Variants in CFAP54 observed in about 807,000 individuals in gnomAD.
The protein encoded by CFAP54 is cilia and flagella associated protein 54, also known as cilia- and flagella-associated protein 54.
A neutral mutation model predicts 370.4 loss-of-function variants in CFAP54; 290 were observed. That is an observed-to-expected ratio of 0.78 (90% confidence interval 0.71 to 0.86). CFAP54 has a LOEUF of 0.86. Ranked by LOEUF, CFAP54 falls within the 40% of genes least tolerant of loss-of-function variation. CFAP54 has a pLI of 0.00. For missense variants in CFAP54, 3,399 were observed against 3,528.7 expected, an observed-to-expected ratio of 0.96 and a Z score of 0.93; for synonymous variants, 1,206 against 1,236.5, an observed-to-expected ratio of 0.98 and a Z score of 0.52.
intron 6 of CFAP54, among the ~76,000 whole-genome samples, chr12:96,521,194 A>G (rs985082432): frequency 6.6e-6 from 1 of 152,226 alleles, no homozygotes; most frequent in African/African-American, 2.4e-5. Flanking sequence ...ATTATAAATG[A>G]TGAATGAAAT....
At chr12:96,583,827 A>G (rs138484997) in intron 22 of CFAP54, among the ~76,000 whole-genome samples, 1 of 152,304 alleles carries the variant, frequency 6.6e-6, no homozygotes, top group Non-Finnish European at 1.5e-5. Context: ...TAGAGCCTGC[A>G]TCTCTCCAAT....
chr12:96,706,951 C>T (rs7960445), intron 47 of CFAP54, among the ~76,000 whole-genome samples: 59,532 of 151,716 alleles, frequency 0.39, 11,961 homozygotes, highest in Middle Eastern at 0.46. Context: ...GGAGCTACAG[C>T]GAAAAAGTTG....
rs534334157 is a variant in CFAP54 at position 96,519,290 on chromosome 12, G to T, written c.942+219G>T. Among the ~76,000 whole-genome samples, 4 of 152,180 alleles carry T rather than the reference G, an allele frequency of 2.6e-5. No individual in the cohort carries two copies. The East Asian group carries it at 7.7e-4, about 29-fold the overall frequency. ...ATTTTTGTATTTTTAGTAGAGACAG[G>T]GTTTTGCCATGTTGATCAGGCTGAT... On this transcript the variant is annotated intron_variant, in intron 6 of 67. Coordinates refer to ENST00000524981, the MANE Select transcript of CFAP54 (RefSeq NM_001306084.2).
chr12:96,832,867 T>C (rs920518541), intron 66 of CFAP54, among the ~76,000 whole-genome samples: 13 of 152,154 alleles, frequency 8.5e-5, no homozygotes, highest in African/African-American at 3.1e-4. Context: ...CCAGCTAACT[T>C]CCACTGAAAA....
At chr12:96,850,232 A>G (rs1253432614) in intron 66 of CFAP54, among the ~76,000 whole-genome samples, 1 of 151,602 alleles carries the variant, frequency 6.6e-6, no homozygotes, top group Admixed American at 6.6e-5. Context: ...AAAAAAAAAA[A>G]AAAAAAGTAG....
chr12:96,632,538 CTT>C (rs1193037647), intron 32 of CFAP54, among the ~76,000 whole-genome samples: 2 of 151,918 alleles, frequency 1.3e-5, no homozygotes, highest in African/African-American at 2.4e-5. Flanking sequence ...AACTTTATCA[CTT>C]AACAAGTTTT....
chr12:96,593,329 T>G (rs986366211), intron 24 of CFAP54, among the ~76,000 whole-genome samples: 2 of 152,158 alleles, frequency 1.3e-5, no homozygotes, highest in Non-Finnish European at 2.9e-5. Flanking sequence ...GTATGGATGT[T>G]TTAGCTGTCT....
At chr12:96,769,576 C>T (rs573481649) in intron 60 of CFAP54, among the ~76,000 whole-genome samples, 6 of 152,128 alleles carry the variant, frequency 3.9e-5, no homozygotes, top group Middle Eastern at 6.8e-3. Context: ...CACACAGCTG[C>T]GCAGCCAGCT....
At chr12:96,652,939 A>C (rs1390657289) in intron 36 of CFAP54, among the ~76,000 whole-genome samples, 1 of 152,264 alleles carries the variant, frequency 6.6e-6, no homozygotes, top group East Asian at 1.9e-4. Flanking sequence ...TCAGGAAGAC[A>C]TGTCAATCAT....
intron 55 of CFAP54, among the ~76,000 whole-genome samples, chr12:96,750,043 A>G (rs1469455297): frequency 6.6e-6 from 1 of 152,244 alleles, no homozygotes; most frequent in Non-Finnish European, 1.5e-5. Flanking sequence ...TCAGGAGTGA[A>G]GAGGACTCAG....
intron 57 of CFAP54, among the ~76,000 whole-genome samples, chr12:96,756,952 G>C (rs887033415): frequency 1.3e-5 from 2 of 152,118 alleles, no homozygotes; most frequent in African/African-American, 4.8e-5. Context: ...TCTTAATTCT[G>C]TATGAATATC....
intron 19 of CFAP54, among the ~76,000 whole-genome samples, chr12:96,570,360 C>T (rs763778269): frequency 5.1e-4 from 77 of 151,582 alleles, no homozygotes; most frequent in Non-Finnish European, 7.1e-4. Context: ...TAATTCTGAC[C>T]CCTCCTCTTA....
At chr12:96,766,950 T>C (rs1958407373) in intron 60 of CFAP54, among the ~76,000 whole-genome samples, 1 of 152,226 alleles carries the variant, frequency 6.6e-6, no homozygotes, top group Non-Finnish European at 1.5e-5. Context: ...TGCATTCTTA[T>C]GTACATTTGT....
At chr12:96,591,501 G>A (rs993885354) in intron 23 of CFAP54, among the ~76,000 whole-genome samples, 4 of 152,044 alleles carry the variant, frequency 2.6e-5, no homozygotes, top group African/African-American at 7.2e-5. Context: ...GAGAGAGAGA[G>A]ACTGAAGAAG....
rs142677829 is a variant in CFAP54, at chr12:96,683,937, A to G, written c.5717-711A>G. Among the ~76,000 whole-genome samples the G allele has an allele frequency of 6.8e-3, 1,039 of 152,264 alleles. 9 individuals carry two copies. The highest frequency in any genetic ancestry group is 0.023 in the African/African-American group (964 of 41,550). Reference sequence around the variant, plus strand: ...CTACCAAGTAGCTGGGATTACAGGCATGTGCCATCACACTTGGGTAATTTT... The same window carrying G: ...CTACCAAGTAGCTGGGATTACAGGCGTGTGCCATCACACTTGGGTAATTTT... On this transcript the variant is annotated intron_variant, in intron 40 of 67. Transcript: ENST00000524981.
intron 60 of CFAP54, among the ~76,000 whole-genome samples, chr12:96,776,081 A>G (rs7137234): frequency 6.6e-6 from 1 of 152,168 alleles, no homozygotes; most frequent in Admixed American, 6.5e-5. Context: ...AGGAAACAAA[A>G]CCAATAAAAT....
intron 49 of CFAP54, among the ~76,000 whole-genome samples, chr12:96,720,043 G>C (rs975529914): frequency 2.6e-5 from 4 of 152,176 alleles, no homozygotes; most frequent in Non-Finnish European, 5.9e-5. Context: ...TGAAAATGTT[G>C]TGACCAGAGG....
At chr12:96,492,593 T>G (rs1954896723) in intron 1 of CFAP54, among the ~76,000 whole-genome samples, 1 of 152,272 alleles carries the variant, frequency 6.6e-6, no homozygotes, top group African/African-American at 2.4e-5. Flanking sequence ...AGCTCCCTGG[T>G]GACTTTGGAT....
intron 5 of CFAP54, among the ~76,000 whole-genome samples, chr12:96,515,229 G>C (rs1458702489): frequency 6.6e-6 from 1 of 151,860 alleles, no homozygotes; most frequent in East Asian, 1.9e-4. Context: ...GGCTGGTCTC[G>C]AACTCCTGAC....
Sources: gnomAD v4.1 joint callset for allele counts (sites outside exome capture counted in the v4.1 genomes callset) on GRCh38, gnomAD v4.1.1 for gene constraint, MANE v1.5 for transcripts, NCBI Gene and HGNC (gene_info 2026-07-23, HGNC 2026-07-21) for gene names.